PRICKLE2: variants seen among roughly 807,000 people sequenced by gnomAD.
The protein encoded by PRICKLE2 is prickle-like protein 2.
In PRICKLE2, 21 loss-of-function variants were observed where a neutral mutation model predicts 81.4. That is an observed-to-expected ratio of 0.26 (90% CI 0.18 to 0.37). The LOEUF (loss-of-function observed/expected upper bound fraction) is 0.37, where lower values mean the gene tolerates loss of function less well. Among genes scored for constraint, PRICKLE2 ranks in the 10% least tolerant of loss-of-function variants. The pLI is 1.00. For synonymous variants in PRICKLE2, 456 were observed against 421.5 expected, an observed-to-expected ratio of 1.08 and a Z score of -1.00; for missense variants, 940 against 1,109.0, an observed-to-expected ratio of 0.85 and a Z score of 2.16.
chr3:64,236,740 T>C (rs921183573), intron 2 of PRICKLE2, among the ~76,000 whole-genome samples: 5 of 152,240 alleles, frequency 3.3e-5, no homozygotes, highest in Non-Finnish European at 7.3e-5. Context: ...GCTCTTGCTG[T>C]CTGTGTGATG....
chr3:64,208,600 C>A (rs1003536580), intron 1 of PRICKLE2, among the ~76,000 whole-genome samples: 1 of 152,170 alleles, frequency 6.6e-6, no homozygotes, highest in Admixed American at 6.5e-5. Flanking sequence ...TGTGCTTTGA[C>A]TGAGGATGGC....
chr3:64,170,703 TAAAAAAAAA>T (rs770744864), intron 2 of PRICKLE2, among the ~76,000 whole-genome samples: 1 of 113,406 alleles, frequency 8.8e-6, no homozygotes, highest in Non-Finnish European at 1.8e-5. Context: ...CTAGAAACAT[TAAAAAAAAA>T]AAAAAAAAAA....
intron 1 of PRICKLE2, among the ~76,000 whole-genome samples, chr3:64,206,954 CA>C (rs1434702269): frequency 6.6e-6 from 1 of 152,192 alleles, no homozygotes; most frequent in Non-Finnish European, 1.5e-5. Flanking sequence ...GGCTGGAGGG[CA>C]GTGGTGTGAT....
upstream of PRICKLE2, among the ~76,000 whole-genome samples, chr3:64,226,036 C>T (rs980120904): frequency 2.6e-5 from 4 of 152,082 alleles, no homozygotes; most frequent in African/African-American, 9.7e-5. Flanking sequence ...GTGAGTCAGT[C>T]AGCTGCCCTT....
chr3:64,185,713 G>A (rs2078217002), intron 2 of PRICKLE2, among the ~76,000 whole-genome samples: 1 of 152,194 alleles, frequency 6.6e-6, no homozygotes, highest in Non-Finnish European at 1.5e-5. Context: ...TCCACCATTG[G>A]CATGGGAGGA....
At chr3:64,112,542 A>T (rs2076866152) in intron 7 of PRICKLE2, among the ~76,000 whole-genome samples, 1 of 152,216 alleles carries the variant, frequency 6.6e-6, no homozygotes, top group Non-Finnish European at 1.5e-5. Flanking sequence ...GAAGGATAAT[A>T]AAGGGTGGGG....
intron 2 of PRICKLE2, among the ~76,000 whole-genome samples, chr3:64,168,345 C>T (rs1475532721): frequency 1.3e-5 from 2 of 152,046 alleles, no homozygotes; most frequent in Non-Finnish European, 2.9e-5. Flanking sequence ...ACATAAAATA[C>T]AGTAACACTA....
At chr3:64,237,766 A>G (rs1298039211) in intron 2 of PRICKLE2, among the ~76,000 whole-genome samples, 1 of 152,148 alleles carries the variant, frequency 6.6e-6, no homozygotes, top group African/African-American at 2.4e-5. Context: ...CCTCCTGTCC[A>G]TATCATAAGG....
rs140160906 is a variant in PRICKLE2 at position 64,111,213 on chromosome 3, G to C, written c.1661-11288C>G. Among the ~76,000 whole-genome samples the C allele has an allele frequency of 3.3e-3, 502 of 152,292 alleles. 1 individual carries two copies. Among genetic ancestry groups the C allele is most frequent in the African/African-American group, 0.011 (472 of 41,552 alleles). On this transcript the variant is annotated intron_variant, in intron 7 of 7. Coordinates refer to ENST00000638394, the MANE Select transcript of PRICKLE2 (RefSeq NM_198859.4). ...AATGGGTTAAAACACAAAGTACTTA[G>C]AACAGTGCTGGTGCGGGGACACCAA... is the stretch of plus-strand genomic sequence containing the variant.
chr3:64,134,128 T>C (rs1020239360), intron 7 of PRICKLE2, among the ~76,000 whole-genome samples: 1 of 152,212 alleles, frequency 6.6e-6, no homozygotes, highest in Admixed American at 6.5e-5. Context: ...GCAGCCCCAC[T>C]GCAGCAGACA....
At chr3:64,265,196 T>C (rs1202581257) in intron 2 of PRICKLE2, among the ~76,000 whole-genome samples, 1 of 152,118 alleles carries the variant, frequency 6.6e-6, no homozygotes, top group Non-Finnish European at 1.5e-5. Context: ...AAAAACTGAA[T>C]GGCAATCAAA....
chr3:64,113,725 C>T (rs760247034), intron 7 of PRICKLE2, among the ~76,000 whole-genome samples: 2 of 152,162 alleles, frequency 1.3e-5, no homozygotes, highest in Non-Finnish European at 2.9e-5. Flanking sequence ...CCTGCCAGCA[C>T]CCTGCCCTTA....
chr3:64,209,029 A>G (rs1021212441), intron 1 of PRICKLE2, among the ~76,000 whole-genome samples: 4 of 151,516 alleles, frequency 2.6e-5, no homozygotes, highest in Admixed American at 2.0e-4. Flanking sequence ...CCATAAATAC[A>G]TCCATATCTA....
Position 64,221,420 on chromosome 3 carries a change from T to C in PRICKLE2, c.-41+3490A>G, listed in dbSNP as rs13100670. ...GAGATCTTCACCCCTGCTTGATTCA[T>C]ACACACACACACACACACACACACA... On this transcript the variant is annotated intron_variant, in intron 1 of 7. Transcript: ENST00000638394. Among the ~76,000 whole-genome samples, 7 of 143,830 alleles carry C rather than the reference T, an allele frequency of 4.9e-5. No individual in the cohort carries two copies. The East Asian group carries it at 6.2e-4, about 13-fold the overall frequency. 94.4% of individuals were successfully genotyped at this position (143,830 alleles called of 152,430 possible).
At chr3:64,207,670 G>C (rs1417591737) in intron 1 of PRICKLE2, among the ~76,000 whole-genome samples, 1 of 152,034 alleles carries the variant, frequency 6.6e-6, no homozygotes, top group Non-Finnish European at 1.5e-5. Flanking sequence ...TCCAACGTGG[G>C]AATTACATAT....
At chr3:64,226,161 C>G (rs1236835920), upstream of PRICKLE2, among the ~76,000 whole-genome samples, 4 of 152,146 alleles carry the variant, frequency 2.6e-5, no homozygotes, top group Non-Finnish European at 5.9e-5. Context: ...CCTCATTTTA[C>G]AGATTAGAAA....
intron 1 of PRICKLE2, among the ~76,000 whole-genome samples, chr3:64,203,005 T>A (rs561280439): frequency 5.3e-5 from 8 of 152,336 alleles, no homozygotes; most frequent in African/African-American, 1.9e-4. Flanking sequence ...ATTTTCTGCA[T>A]CTATCAAGAT....
intron 7 of PRICKLE2, chr3:64,146,498 C>T: frequency 3.2e-6 from 1 of 310,916 alleles, no homozygotes; most frequent in African/African-American, 2.1e-5. Flanking sequence ...AATCCTACCA[C>T]TTTGGGAGGC....
chr3:64,250,972 T>C (rs1205378934), intron 2 of PRICKLE2, among the ~76,000 whole-genome samples: 6 of 152,170 alleles, frequency 3.9e-5, no homozygotes, highest in African/African-American at 9.7e-5. Context: ...CCCAGCAACA[T>C]AGTAGTCACC....
Sources: gnomAD v4.1 joint callset for allele counts (sites outside exome capture counted in the v4.1 genomes callset) on GRCh38, gnomAD v4.1.1 for gene constraint, MANE v1.5 for transcripts, NCBI Gene and HGNC (gene_info 2026-07-23, HGNC 2026-07-21) for gene names.